IL12RB1: variants seen among roughly 807,000 people sequenced by gnomAD.
IL12RB1 encodes the protein interleukin 12 receptor subunit beta 1.
IL12RB1 carries 64 observed loss-of-function variants against 94.4 expected under a neutral mutation model. The observed-to-expected ratio is 0.68, with a 90% CI of 0.55 to 0.83. The LOEUF (loss-of-function observed/expected upper bound fraction) is 0.83, where lower values mean the gene tolerates loss of function less well. Among genes scored for constraint, IL12RB1 ranks in the 40% least tolerant of loss-of-function variants. IL12RB1 has a pLI of 0.00. For missense variants in IL12RB1, 814 were observed against 855.6 expected (o/e 0.95, Z 0.61); for synonymous variants, 362 against 355.5 (o/e 1.02, Z -0.21).
At chr19:18,086,937 A>G (rs1568526827), upstream of IL12RB1, 4 of 1,548,192 alleles carry the variant, frequency 2.6e-6, no homozygotes, top group East Asian at 9.8e-5. Context: ...AAAAGACTGA[A>G]AAAAAAGAAA....
rs1047190287 is a variant in IL12RB1 at position 18,059,735 on chromosome 19, T to C, written c.1984-122A>G. 9.4e-6 allele frequency: 7 copies of C among 747,650 alleles called. No individual in the cohort carries two copies. The East Asian group carries it at 1.0e-4, about 11-fold the overall frequency. 46.3% of individuals were successfully genotyped at this position (747,650 alleles called of 1,614,324 possible). On this transcript the variant is annotated intron_variant, in intron 16 of 16. Transcript: ENST00000593993. ...AGTGCTTAATAACCAGCCGTTGTGA[T>C]TGAGATAGTCGCTCTTCGTGTCTGT...
At chr19:18,087,826 C>T (rs1599583451), upstream of IL12RB1, among the ~76,000 whole-genome samples, 2 of 152,086 alleles carry the variant, frequency 1.3e-5, no homozygotes, top group East Asian at 3.9e-4. Context: ...CGGGCCATCT[C>T]GCCAGCTTCT....
rs535858554 is a variant in IL12RB1 at position 18,074,616 on chromosome 19, G to A, written c.701-1017C>T. 3.4e-4 allele frequency among the ~76,000 whole-genome samples: 51 copies of A among 152,196 alleles called. 2 individuals are homozygous for A. The highest frequency in any genetic ancestry group is 8.9e-4 in the African/African-American group (37 of 41,526). On this transcript the variant is annotated intron_variant, in intron 7 of 16. Transcript: ENST00000593993. ...TACAAAATTAGCTGGGCGTGGTGGT[G>A]CATGCCTGTAAATCCCAGCTACTCT... is the stretch of plus-strand genomic sequence containing the variant.
intron 11 of IL12RB1, 138 bp from the exon 12 acceptor site, chr19:18,066,835 T>C (rs1458362400): frequency 1.5e-6 from 1 of 656,244 alleles, no homozygotes; most frequent in African/African-American, 1.8e-5. Context: ...AAGACCAGCC[T>C]GGCCAACATG....
chr19:18,083,585 G>GGGGGGGGGGCC, intron 1 of IL12RB1, 94 bp from the exon 2 acceptor site: 1 of 1,228,760 alleles, frequency 8.1e-7, no homozygotes, highest in Non-Finnish European at 1.2e-6. Flanking sequence ...GTGATCATCA[G>GGGGGGGGGGCC]CCCTCCCACC....
intron 14 of IL12RB1, 134 bp downstream of exon 14, chr19:18,062,047 T>C: frequency 1.6e-6 from 1 of 642,122 alleles, no homozygotes. Flanking sequence ...GCTGTTTTCT[T>C]CTACCTCTGG....
chr19:18,061,875 A>AAAAAAAGAAAAAC (rs1239536090), intron 14 of IL12RB1, among the ~76,000 whole-genome samples: 3 of 152,000 alleles, frequency 2.0e-5, no homozygotes, highest in Non-Finnish European at 4.4e-5. Context: ...AAAAGAAAAA[A>AAAAAAAGAAAAAC]AAAAGAAAGA....
At chr19:18,072,714 G>A (rs560289798) in intron 8 of IL12RB1, among the ~76,000 whole-genome samples, 5 of 152,138 alleles carry the variant, frequency 3.3e-5, no homozygotes, top group East Asian at 1.9e-4. Flanking sequence ...TTGGGAGGCC[G>A]AGACGGGTAG....
At chr19:18,097,781 G>T in intron 1 of IL12RB1, 1 of 1,216,968 alleles carries the variant, frequency 8.2e-7, no homozygotes, top group East Asian at 3.3e-5. Flanking sequence ...TGGCGGCGCG[G>T]ACTCCCGGGC....
chr19:18,064,855 A>C (rs369786551), intron 12 of IL12RB1, among the ~76,000 whole-genome samples: 15 of 152,102 alleles, frequency 9.9e-5, no homozygotes, highest in African/African-American at 3.6e-4. Context: ...CACAGGACCA[A>C]ACTGAGGACT....
chr19:18,081,998 C>T lies in IL12RB1; in HGVS notation c.239+152G>A, dbSNP rs928415988. The T allele has an allele frequency of 2.5e-5, 17 of 677,460 alleles. 1 individual carries two copies. The South Asian group carries it at 2.6e-4, about 10-fold the overall frequency. 42.0% of individuals were successfully genotyped at this position (677,460 alleles called of 1,614,324 possible). On this transcript the variant is annotated intron_variant, in intron 3 of 16. Transcript: ENST00000593993. ...CACTGACCAACCCCCCACCACAATC[C>T]TCCAACTCTCTCTTCTTAGATGAGA...
intron 1 of IL12RB1, among the ~76,000 whole-genome samples, chr19:18,085,184 C>G (rs2036241702): frequency 6.6e-6 from 1 of 152,158 alleles, no homozygotes; most frequent in Non-Finnish European, 1.5e-5. Context: ...CAAGAAGGAC[C>G]TGTCCTGAGC....
intron 11 of IL12RB1, among the ~76,000 whole-genome samples, chr19:18,067,222 G>A (rs2034646654): frequency 6.7e-6 from 1 of 150,174 alleles, no homozygotes; most frequent in Non-Finnish European, 1.5e-5. Flanking sequence ...TACTCGGCAG[G>A]CTGAGGCACG....
At chr19:18,059,769 G>A (rs1568481820) in intron 16 of IL12RB1, 125 bp downstream of exon 16, 2 of 729,068 alleles carry the variant, frequency 2.7e-6, no homozygotes, top group South Asian at 2.9e-5. Context: ...GTAAGACAAA[G>A]TGGATGTTTT....
chr19:18,066,762 C>T (rs970553293), intron 11 of IL12RB1, 65 bp from the exon 12 acceptor site: 88 of 1,376,520 alleles, frequency 6.4e-5, no homozygotes, highest in Admixed American at 2.0e-4. Context: ...CACAGTGGCT[C>T]GCACCTGTAA....
At chr19:18,086,942 A>T (rs779545535), upstream of IL12RB1, 1 of 1,546,294 alleles carries the variant, frequency 6.5e-7, no homozygotes, top group Admixed American at 2.0e-5. Flanking sequence ...ACTGAAAAAA[A>T]AGAAAAAAGA....
chr19:18,080,825 T>A lies in IL12RB1; in HGVS notation c.409+7A>T, dbSNP rs781258581. On this transcript the variant is annotated splice_region_variant and intron_variant, in intron 4 of 16. Coordinates refer to ENST00000593993, the MANE Select transcript of IL12RB1 (RefSeq NM_005535.3). ...AAAAACGGACGGGGGGAGAACAAGG[T>A]GCTAACCTGAGTTGTAGAGCTGCAG... 1.3e-6 allele frequency: 2 copies of A among 1,592,918 alleles called. No individual in the cohort carries two copies. Among genetic ancestry groups the A allele is most frequent in the South Asian group, 1.1e-5 (1 of 90,704 alleles).
At position 18,072,204 on chromosome 19, in the gene IL12RB1, G is replaced by A. The variant is rs767931872; in HGVS notation, c.929C>T (p.Ser310Leu). ...GACAGCCACGTTGTAGGCAGCACCCGAGAGATAGGGCATCTTCCCCAGGTG... is the reference window on the plus strand; with the variant it reads ...GACAGCCACGTTGTAGGCAGCACCCAAGAGATAGGGCATCTTCCCCAGGTG... ...TLHLGKMPYL[S>L]GAAYNVAVIS... The change falls in exon 9 of 17, where the codon TCG (serine) becomes TTG (leucine). Residue 310 changes from serine to leucine, a missense_variant. Ser to Leu is a moderately radical substitution (Grantham distance 145, BLOSUM62 -2). Coordinates refer to ENST00000593993, the MANE Select transcript of IL12RB1 (RefSeq NM_005535.3). 25 of 1,613,980 alleles carry A rather than the reference G, an allele frequency of 1.5e-5. No individual in the cohort carries two copies. The highest frequency in any genetic ancestry group is 1.1e-5 in the South Asian group (1 of 91,080).
intron 2 of IL12RB1, chr19:18,083,128 G>A (rs549907433): frequency 5.9e-4 from 308 of 520,244 alleles, no homozygotes; most frequent in Non-Finnish European, 8.4e-4. Flanking sequence ...TATCAGGTTG[G>A]GGGGGGGGCT....
Sources: allele counts gnomAD v4.1 joint callset (sites outside exome capture counted in the v4.1 genomes callset), GRCh38; gene constraint gnomAD v4.1.1; transcripts MANE v1.5; gene names NCBI Gene and HGNC (gene_info 2026-07-23, HGNC 2026-07-21).